Variants in SCN8A observed in about 807,000 individuals in gnomAD.
The protein encoded by SCN8A is sodium voltage-gated channel alpha subunit 8, also known as sodium channel protein type 8 subunit alpha.
Under a neutral mutation model 184.1 loss-of-function variants are expected in SCN8A, and 30 were observed. That is an observed-to-expected ratio of 0.16 (90% confidence interval 0.12 to 0.22). The LOEUF (loss-of-function observed/expected upper bound fraction) is 0.22. Among genes scored for constraint, SCN8A ranks in the 10% least tolerant of loss-of-function variants. The pLI is 1.00. For missense variants in SCN8A, 1,057 were observed against 2,498.9 expected (o/e 0.42, Z 12.30); for synonymous variants, 852 against 907.0 (o/e 0.94, Z 1.09).
intron 1 of SCN8A, among the ~76,000 whole-genome samples, chr12:51,627,602 G>A (rs1940107874): frequency 6.6e-6 from 1 of 152,198 alleles, no homozygotes; most frequent in Non-Finnish European, 1.5e-5. Context: ...GGGTGGTCTC[G>A]ATCTCCTGAC....
At chr12:51,800,544 T>C (rs1938528374) in intron 26 of SCN8A, among the ~76,000 whole-genome samples, 1 of 152,228 alleles carries the variant, frequency 6.6e-6, no homozygotes, top group South Asian at 2.1e-4. Context: ...TTTCCCACCA[T>C]AATAGGCCTC....
Position 51,809,155 on chromosome 12 carries a change from C to T in SCN8A, c.*1726C>T, listed in dbSNP as rs964236468. 3.3e-5 allele frequency: 5 copies of T among 152,190 alleles called. No individual in the cohort carries two copies. The highest frequency in any genetic ancestry group is 3.3e-4 in the Admixed American group (5 of 15,282). The allele number at this position is 152,190 out of a possible 1,614,324, so 9.4% of individuals were successfully genotyped here. ...TGTGGCTTCTGGGGGAGCGTCATAT[C>T]TTCCATTCCATCTCCTGCTTTAGGA... On this transcript the variant is annotated 3_prime_UTR_variant, in exon 27 of 27. Transcript: ENST00000627620.
intron 11 of SCN8A, among the ~76,000 whole-genome samples, chr12:51,715,223 A>G (rs1941945246): frequency 6.6e-6 from 1 of 152,160 alleles, no homozygotes; most frequent in Non-Finnish European, 1.5e-5. Context: ...GTTTTTCCTC[A>G]TATTATGTAT....
chr12:51,712,531 C>T (rs1433171856), intron 11 of SCN8A: 19 of 774,582 alleles, frequency 2.5e-5, no homozygotes, highest in African/African-American at 1.4e-4. Flanking sequence ...AGGGACTGCC[C>T]GAGCTTCTTC....
chr12:51,713,037 A>G (rs540402705), intron 11 of SCN8A: 2 of 1,546,408 alleles, frequency 1.3e-6, no homozygotes, highest in East Asian at 4.5e-5. Context: ...GCCCATTAAT[A>G]GTGTGGTATT....
rs546449016 is a variant in SCN8A, at chr12:51,611,841, T to A, written c.-55+20482T>A. On this transcript the variant is annotated intron_variant, in intron 1 of 26. Transcript: ENST00000627620. ...AGATTTCAGTTTCTAATTTATTTCT[T>A]GTATATAGAGATATGATGATTTTTT... Among the ~76,000 whole-genome samples the A allele has an allele frequency of 9.8e-4, 149 of 152,204 alleles. 1 individual carries two copies. The highest frequency in any genetic ancestry group is 1.8e-3 in the Non-Finnish European group (122 of 68,034).
At chr12:51,635,884 C>T (rs1940304893) in intron 1 of SCN8A, among the ~76,000 whole-genome samples, 1 of 152,196 alleles carries the variant, frequency 6.6e-6, no homozygotes. Context: ...TAGAAAAATG[C>T]AATGACTGTA....
rs945769968 is a variant in SCN8A, at chr12:51,681,031, A to T, written c.277-3143A>T. Among the ~76,000 whole-genome samples, 9 of 152,192 alleles carry T rather than the reference A, an allele frequency of 5.9e-5. No individual in the cohort carries two copies. The East Asian group carries it at 1.4e-3, about 23-fold the overall frequency. Reference sequence around the variant, plus strand: ...AAATAATAATAATAATAATAAATAAAAAATAAAAATCCTGTTGTCTGTCTC... The same window carrying T: ...AAATAATAATAATAATAATAAATAATAAATAAAAATCCTGTTGTCTGTCTC... On this transcript the variant is annotated intron_variant, in intron 2 of 26. Coordinates refer to ENST00000627620, the MANE Select transcript of SCN8A (RefSeq NM_001330260.2).
At chr12:51,781,662 G>A (rs115430783) in intron 21 of SCN8A, among the ~76,000 whole-genome samples, 39 of 151,752 alleles carry the variant, frequency 2.6e-4, no homozygotes, top group African/African-American at 8.7e-4. Context: ...GCACGCACGC[G>A]CACACACACA....
In SCN8A at chr12:51,747,089, A is replaced by ATGTGTGTGTGTGTGTG. The variant is rs60490453; in HGVS notation, c.2131+1082_2131+1097dup. The stretch of plus-strand genomic sequence containing the variant: ...CCAGTGCCACTTCTACTCTGTGTGT[A>ATGTGTGTGTGTGTGTG]TGTGTGTGTGTGTGTGTGTGTGTGT... On this transcript the variant is annotated intron_variant, in intron 13 of 26. Coordinates refer to ENST00000627620, the MANE Select transcript of SCN8A (RefSeq NM_001330260.2). Among the ~76,000 whole-genome samples the ATGTGTGTGTGTGTGTG allele has an allele frequency of 6.0e-4, 49 of 81,322 alleles. 1 individual carries two copies. Among genetic ancestry groups the ATGTGTGTGTGTGTGTG allele is most frequent in the African/African-American group, 1.8e-3 (44 of 24,130 alleles). 53.4% of individuals were successfully genotyped at this position (81,322 alleles called of 152,430 possible).
chr12:51,624,954 G>A (rs974014099), intron 1 of SCN8A, among the ~76,000 whole-genome samples: 33 of 151,636 alleles, frequency 2.2e-4, no homozygotes, highest in African/African-American at 7.8e-4. Flanking sequence ...CCTTCAGTGA[G>A]TTTATGTCAT....
In SCN8A at chr12:51,662,949, T is replaced by C; in HGVS notation, c.132T>C (p.His44=). The C allele has an allele frequency of 6.2e-7, 1 of 1,613,994 alleles. No homozygotes were observed. Among genetic ancestry groups the C allele is most frequent in the South Asian group, 1.1e-5 (1 of 91,082 alleles). The change falls in exon 2 of 27, where the codon CAT becomes CAC. Residue 44 remains histidine (H), a synonymous_variant. Coordinates refer to ENST00000627620, the MANE Select transcript of SCN8A (RefSeq NM_001330260.2). ...AACCACCAAAGGCCGATGGCAGTCA[T>C]CGGGAGGACGATGAGGACAGCAAGC... The part of the protein sequence containing the change: ...LKKPPKADGS[H]REDDEDSKPK...
chr12:51,773,624 AC>A (rs1942963687), intron 19 of SCN8A, among the ~76,000 whole-genome samples: 1 of 152,230 alleles, frequency 6.6e-6, no homozygotes, highest in Non-Finnish European at 1.5e-5. Context: ...TTAAACAGTT[AC>A]CATATGACTC....
intron 12 of SCN8A, among the ~76,000 whole-genome samples, chr12:51,734,753 G>A (rs1295985805): frequency 2.0e-5 from 3 of 152,220 alleles, no homozygotes; most frequent in South Asian, 2.1e-4. Flanking sequence ...AAGCAAGGGC[G>A]GCTTTGTCAC....
chr12:51,776,455 T>A (rs965312342), intron 20 of SCN8A, among the ~76,000 whole-genome samples: 7 of 152,184 alleles, frequency 4.6e-5, no homozygotes, highest in African/African-American at 1.7e-4. Flanking sequence ...TATTAGTAAA[T>A]AATATAGTTG....
intron 1 of SCN8A, among the ~76,000 whole-genome samples, chr12:51,641,312 G>A (rs1940449553): frequency 1.3e-5 from 2 of 152,192 alleles, no homozygotes; most frequent in South Asian, 2.1e-4. Flanking sequence ...TAGTGGGAGT[G>A]TGTGTATCTT....
chr12:51,713,412 C>T (rs1459768449), intron 11 of SCN8A: 43 of 854,504 alleles, frequency 5.0e-5, no homozygotes, highest in South Asian at 3.5e-4. Flanking sequence ...CTCTCATTAC[C>T]ACACAATCTG....
intron 1 of SCN8A, among the ~76,000 whole-genome samples, chr12:51,600,005 G>A (rs1209766716): frequency 6.6e-6 from 1 of 152,154 alleles, no homozygotes; most frequent in African/African-American, 2.4e-5. Flanking sequence ...GTAATCCATG[G>A]TAGTCTGGTC....
chr12:51,710,627 C>T (rs778035383), intron 11 of SCN8A, among the ~76,000 whole-genome samples: 60 of 152,110 alleles, frequency 3.9e-4, no homozygotes, highest in Non-Finnish European at 7.5e-4. Context: ...CCACTACACT[C>T]CTGCTTGGGC....
Sources: gnomAD v4.1 joint callset for allele counts (sites outside exome capture counted in the v4.1 genomes callset) on GRCh38, gnomAD v4.1.1 for gene constraint, MANE v1.5 for transcripts, NCBI Gene and HGNC (gene_info 2026-07-23, HGNC 2026-07-21) for gene names.